The following SCAF8 variants were observed in gnomAD, a reference collection of about 807,000 sequenced individuals.
SCAF8 encodes the protein SR-related and CTD-associated factor 8.
In SCAF8, 23 loss-of-function variants were observed where a neutral mutation model predicts 140.5. That is an observed-to-expected ratio of 0.16 (90% CI 0.12 to 0.23). The LOEUF is 0.23. Among genes scored for constraint, SCAF8 ranks in the 10% least tolerant of loss-of-function variants. SCAF8 has a pLI of 1.00. For synonymous variants in SCAF8, 575 were observed against 528.9 expected, an observed-to-expected ratio of 1.09 and a Z score of -1.20; for missense variants, 1,397 against 1,555.7, an observed-to-expected ratio of 0.90 and a Z score of 1.72.
intron 7 of SCAF8, 56 bp downstream of exon 7, chr6:154,802,203 TC>T: frequency 2.9e-6 from 3 of 1,032,506 alleles, no homozygotes; most frequent in Non-Finnish European, 4.0e-6. Context: ...TTATATACTA[TC>T]ATGGATTTTA....
At chr6:154,806,110 G>A (rs1583052472) in intron 9 of SCAF8, among the ~76,000 whole-genome samples, 2 of 152,072 alleles carry the variant, frequency 1.3e-5, no homozygotes, top group African/African-American at 4.8e-5. Context: ...CAAGATGTGC[G>A]GTTATTTTAT....
chr6:154,758,232 C>T (rs1360954672), intron 1 of SCAF8, among the ~76,000 whole-genome samples: 4 of 152,010 alleles, frequency 2.6e-5, no homozygotes, highest in South Asian at 2.1e-4. Flanking sequence ...TATATGCTGG[C>T]GACATTTTTA....
chr6:154,765,423 C>T (rs1347523313), intron 1 of SCAF8, among the ~76,000 whole-genome samples: 2 of 152,122 alleles, frequency 1.3e-5, no homozygotes, highest in African/African-American at 4.8e-5. Flanking sequence ...AACTTGTACT[C>T]TAACCAATTT....
At chr6:154,791,240 A>G (rs1269203253) in intron 4 of SCAF8, among the ~76,000 whole-genome samples, 1 of 152,162 alleles carries the variant, frequency 6.6e-6, no homozygotes, top group Non-Finnish European at 1.5e-5. Context: ...TCTAGTTACC[A>G]AGTTTTCTCT....
rs1187851305 is a variant in SCAF8, at chr6:154,831,096, A to G, written c.2315A>G (p.His772Arg). ...KQAEPEEKVPHLIDHQISSGE... is the reference protein window; with the variant it reads ...KQAEPEEKVPRLIDHQISSGE... ...GCAGAGCCTGAAGAAAAAGTACCTC[A>G]TCTTATAGACCACCAGATTTCTTCT... Residue 772 changes from histidine (H) to arginine (R), a missense_variant, in exon 19 of 20, where the codon CAT (histidine) becomes CGT (arginine). By Grantham distance (29) the His-to-Arg change is conservative. Transcript: ENST00000367178. 1 of 1,613,514 alleles carries G rather than the reference A, an allele frequency of 6.2e-7. No individual in the cohort carries two copies. Among genetic ancestry groups the G allele is most frequent in the East Asian group, 2.2e-5 (1 of 44,826 alleles).
chr6:154,812,062 G>A (rs560354389), intron 12 of SCAF8, among the ~76,000 whole-genome samples: 9 of 151,472 alleles, frequency 5.9e-5, no homozygotes, highest in African/African-American at 1.9e-4. Context: ...ATTTTCATGG[G>A]CACAACAAAC....
rs772517322 is a variant in SCAF8 at position 154,810,111 on chromosome 6, A to G, written c.1323A>G (p.Lys441=). 1.2e-6 allele frequency: 2 copies of G among 1,614,070 alleles called. No individual in the cohort carries two copies. The highest frequency in any genetic ancestry group is 1.1e-5 in the South Asian group (1 of 91,074). ...CCCGCTCAAGAGAAAGAAAGAGGAA[A>G]TCATCACGGTCGTATTCAAGTGAAA... The part of the protein sequence containing the change: ...SRSRSRERKR[K]SSRSYSSERR... Residue 441 remains lysine (K), a synonymous_variant, in exon 12 of 20, where the codon AAA becomes AAG. Coordinates refer to ENST00000367178, the MANE Select transcript of SCAF8 (RefSeq NM_014892.5).
At position 154,795,016 on chromosome 6, in the gene SCAF8, T is replaced by G. The variant is rs1777558940; in HGVS notation, c.483T>G (p.Pro161=). ...TGATGTTCTTTTTAAAAGGAACTCCTGTGACACCTGTTACTCCGGCCAATG... is the reference window on the plus strand; with the variant it reads ...TGATGTTCTTTTTAAAAGGAACTCCGGTGACACCTGTTACTCCGGCCAATG... ...TTAMSNTPGT[P]VTPVTPANVV... is the part of the protein sequence containing the mutation. Residue 161 remains proline, a synonymous_variant, in exon 6 of 20, where the codon CCT becomes CCG. Transcript: ENST00000367178. 8 of 1,601,658 alleles carry G rather than the reference T, an allele frequency of 5.0e-6. No individual in the cohort carries two copies. The Middle Eastern group carries it at 5.0e-4, about 100-fold the overall frequency.
rs529409189 is a variant in SCAF8 at position 154,799,535 on chromosome 6, G to A, written c.607-2436G>A. Among the ~76,000 whole-genome samples, 11 of 149,818 alleles carry A rather than the reference G, an allele frequency of 7.3e-5. 1 individual carries two copies. Among genetic ancestry groups the A allele is most frequent in the Non-Finnish European group, 1.2e-4 (8 of 67,660 alleles). On this transcript the variant is annotated intron_variant, in intron 6 of 19. Coordinates refer to ENST00000367178, the MANE Select transcript of SCAF8 (RefSeq NM_014892.5). ...ACTTCTCTAACTAATGATAAGACTTGCTTATGTTGCCCACCCCCAACCCTG... is the reference window on the plus strand; with the variant it reads ...ACTTCTCTAACTAATGATAAGACTTACTTATGTTGCCCACCCCCAACCCTG...
Position 154,792,889 on chromosome 6 carries a change from C to A in SCAF8, c.388C>A (p.Pro130Thr). ...TGTATTTAAGAGTGAGATTATTCAG[C>A]CCCTTTTGGATATGGCAGCCGGGAT... Reference protein sequence around the residue: ...NNVFKSEIIQPLLDMAAGIPP... With the variant: ...NNVFKSEIIQTLLDMAAGIPP... The change falls in exon 5 of 20, where the codon CCC becomes ACC. Residue 130 changes from proline to threonine, a missense_variant. By Grantham distance (38) the Pro-to-Thr change is conservative (BLOSUM62 -1). Around this residue, in one of 5 missense-constraint regions of SCAF8, gnomAD observed 43 missense variants for 142.1 expected, o/e 0.30. Coordinates refer to ENST00000367178, the MANE Select transcript of SCAF8 (RefSeq NM_014892.5). The A allele has an allele frequency of 1.2e-6, 2 of 1,613,476 alleles. No homozygotes were observed. The highest frequency in any genetic ancestry group is 8.5e-7 in the Non-Finnish European group (1 of 1,179,494).
intron 5 of SCAF8, among the ~76,000 whole-genome samples, chr6:154,794,670 A>G (rs965775097): frequency 1.4e-5 from 2 of 145,358 alleles, no homozygotes; most frequent in Non-Finnish European, 3.0e-5. Context: ...CATCCACTGG[A>G]GTTCTTGGAA....
At position 154,810,222 on chromosome 6, in the gene SCAF8, AT is replaced by A. The variant is rs1778050188; in HGVS notation, c.1420+15del. On this transcript the variant is annotated intron_variant, in intron 12 of 19. Transcript: ENST00000367178. Reference sequence around the variant, plus strand: ...AAACACTAAGTGGTAAGTAACATATATCTGCAACGCTTTGGTTTCAATTAAT... The same window carrying A: ...AAACACTAAGTGGTAAGTAACATATACTGCAACGCTTTGGTTTCAATTAAT... 6.5e-7 allele frequency: 1 copy of A among 1,548,136 alleles called. No homozygotes were observed. Among genetic ancestry groups the A allele is most frequent in the Admixed American group, 2.0e-5 (1 of 49,700 alleles).
At chr6:154,793,022 A>G in intron 5 of SCAF8, 46 bp downstream of exon 5, 2 of 1,454,792 alleles carry the variant, frequency 1.4e-6, no homozygotes, top group Non-Finnish European at 1.8e-6. Flanking sequence ...TTCTACTCAT[A>G]CTTTTTGGAT....
intron 1 of SCAF8, among the ~76,000 whole-genome samples, chr6:154,760,583 A>G (rs1438084598): frequency 6.6e-6 from 1 of 152,158 alleles, no homozygotes; most frequent in Non-Finnish European, 1.5e-5. Context: ...AACTGTGTCT[A>G]TTAGTTTAGT....
intron 2 of SCAF8, among the ~76,000 whole-genome samples, chr6:154,775,871 T>A (rs1031087088): frequency 6.6e-6 from 1 of 152,160 alleles, no homozygotes; most frequent in Non-Finnish European, 1.5e-5. Flanking sequence ...AGTTGCAAAT[T>A]ATTATGGTGA....
At chr6:154,802,940 C>T (rs542179759) in intron 7 of SCAF8, among the ~76,000 whole-genome samples, 1 of 152,252 alleles carries the variant, frequency 6.6e-6, no homozygotes, top group East Asian at 1.9e-4. Flanking sequence ...TAAAATCTTT[C>T]ATGTACAATT....
chr6:154,790,667 C>G (rs1024865559), intron 4 of SCAF8, among the ~76,000 whole-genome samples: 2 of 151,680 alleles, frequency 1.3e-5, no homozygotes, highest in African/African-American at 4.8e-5. Context: ...CCCACCACCA[C>G]GCCTGGCTAA....
chr6:154,778,376 C>T (rs1168498379), intron 3 of SCAF8, among the ~76,000 whole-genome samples: 12 of 152,186 alleles, frequency 7.9e-5, no homozygotes, highest in Admixed American at 6.5e-4. Context: ...TTCAGTCATT[C>T]AACTGGCTAG....
chr6:154,753,446 G>A (rs907373548), intron 1 of SCAF8, among the ~76,000 whole-genome samples: 1 of 150,618 alleles, frequency 6.6e-6, no homozygotes, highest in African/African-American at 2.5e-5. Context: ...CAGCCTGGGC[G>A]ACAGAGCAAA....
Sources: allele counts gnomAD v4.1 joint callset (sites outside exome capture counted in the v4.1 genomes callset), GRCh38; gene constraint gnomAD v4.1.1; regional missense constraint gnomAD v4.1.1; transcripts MANE v1.5; gene names NCBI Gene and HGNC (gene_info 2026-07-23, HGNC 2026-07-21).